RIPK2: variants seen among roughly 807,000 people sequenced by gnomAD.
RIPK2 encodes the protein receptor interacting serine/threonine kinase 2, also known as receptor-interacting serine/threonine-protein kinase 2.
A neutral mutation model predicts 60.9 loss-of-function variants in RIPK2; 38 were observed. The observed-to-expected ratio is 0.62, with a 90% confidence interval of 0.48 to 0.82. The LOEUF (loss-of-function observed/expected upper bound fraction) is 0.82, where lower values mean the gene tolerates loss of function less well. Ranked by LOEUF, RIPK2 falls within the 40% of genes least tolerant of loss-of-function variation. The probability of loss-of-function intolerance (pLI) is 0.00; values close to 1 mark genes in which losing one functional copy is unlikely to be tolerated. For synonymous variants in RIPK2, 225 were observed against 223.4 expected (o/e 1.01, Z -0.06); for missense variants, 518 against 647.0 (o/e 0.80, Z 2.16).
chr8:89,762,794 T>A, intron 1 of RIPK2, 35 bp from the exon 2 acceptor site: 1 of 1,184,280 alleles, frequency 8.4e-7, no homozygotes, highest in Non-Finnish European at 1.1e-6. Context: ...TATATTTTTT[T>A]ATTACTTGAA....
intron 6 of RIPK2, 28 bp from the exon 7 acceptor site, chr8:89,780,047 T>C: frequency 8.7e-7 from 1 of 1,147,366 alleles, no homozygotes; most frequent in Non-Finnish European, 1.3e-6. Flanking sequence ...CAATCTGAAC[T>C]CAACCTGTAT....
intron 6 of RIPK2, among the ~76,000 whole-genome samples, chr8:89,779,320 T>TTTTTG (rs1563615921): frequency 1.5e-5 from 2 of 130,032 alleles, no homozygotes; most frequent in African/African-American, 6.0e-5. Flanking sequence ...GTTTTTTTTT[T>TTTTTG]TTTTTTTTTT....
chr8:89,759,637 A>G (rs1185649656), intron 1 of RIPK2, among the ~76,000 whole-genome samples: 2 of 152,218 alleles, frequency 1.3e-5, no homozygotes, highest in Admixed American at 1.3e-4. Flanking sequence ...TCAGTGATAT[A>G]CAAGGTGTGG....
intron 1 of RIPK2, among the ~76,000 whole-genome samples, chr8:89,760,644 G>T (rs1184998057): frequency 1.3e-5 from 2 of 152,172 alleles, no homozygotes; most frequent in South Asian, 2.1e-4. Flanking sequence ...CGCCAACCCT[G>T]CCACTTATTA....
rs373852693 is a variant in RIPK2, at chr8:89,772,750, A to G, written c.775A>G (p.Ile259Val). ...VINEESLPYD[I>V]PHRARMISLI... The stretch of plus-strand genomic sequence containing the variant: ...TAATGAAGAAAGTTTGCCATATGAT[A>G]TACCTCACCGAGCACGTATGATCTC... Residue 259 changes from isoleucine to valine, a missense_variant, in exon 6 of 11, where the codon ATA becomes GTA. Ile to Val is a conservative substitution (Grantham distance 29). This residue lies in a region of RIPK2 where 448 missense variants were observed against 534.7 expected (regional missense o/e 0.84). Transcript: ENST00000220751. 2.0e-5 allele frequency: 33 copies of G among 1,612,018 alleles called. 1 individual carries two copies. In the South Asian group the frequency reaches 2.5e-4, roughly 12 times the overall value.
chr8:89,762,315 A>G (rs934234625), intron 1 of RIPK2, among the ~76,000 whole-genome samples: 4 of 152,206 alleles, frequency 2.6e-5, no homozygotes, highest in African/African-American at 4.8e-5. Flanking sequence ...GAGTTCTGGT[A>G]TATAATTTAT....
chr8:89,767,815 T>C (rs781333996), intron 3 of RIPK2, among the ~76,000 whole-genome samples: 3 of 151,794 alleles, frequency 2.0e-5, no homozygotes, highest in Non-Finnish European at 4.4e-5. Flanking sequence ...CTTTCAATAT[T>C]TGAAGATAGC....
At chr8:89,761,734 T>C (rs1455471060) in intron 1 of RIPK2, among the ~76,000 whole-genome samples, 1 of 150,410 alleles carries the variant, frequency 6.6e-6, no homozygotes, top group African/African-American at 2.5e-5. Flanking sequence ...AAGTTTCCAG[T>C]GTGTATTCTG....
In RIPK2 at chr8:89,786,704, T is replaced by G. The variant is rs754954132; in HGVS notation, c.1123+18T>G. On this transcript the variant is annotated intron_variant, in intron 9 of 10. Coordinates refer to ENST00000220751, the MANE Select transcript of RIPK2 (RefSeq NM_003821.6). ...TTTATCTAGTATGTAGATTTTCCAA[T>G]CATTATTTACTTGCAAGTTTTCCAT... 5 of 1,373,524 alleles carry G rather than the reference T, an allele frequency of 3.6e-6. No homozygotes were observed. The African/African-American group carries it at 7.6e-5, about 21-fold the overall frequency. 85.1% of individuals were successfully genotyped at this position (1,373,524 alleles called of 1,614,324 possible).
chr8:89,771,158 C>T (rs1025525108), intron 4 of RIPK2, among the ~76,000 whole-genome samples: 1 of 151,858 alleles, frequency 6.6e-6, no homozygotes, highest in Admixed American at 6.6e-5. Context: ...CTGTACTCCT[C>T]GCTCTCCCTG....
chr8:89,780,189 T>C (rs749102687), intron 7 of RIPK2, 29 bp downstream of exon 7: 7 of 1,177,730 alleles, frequency 5.9e-6, no homozygotes, highest in African/African-American at 1.6e-5. Flanking sequence ...TGCTGGAAAT[T>C]AGAAATTTAA....
At chr8:89,785,885 C>T (rs1360907792) in intron 8 of RIPK2, among the ~76,000 whole-genome samples, 1 of 152,068 alleles carries the variant, frequency 6.6e-6, no homozygotes, top group Non-Finnish European at 1.5e-5. Flanking sequence ...TAAAATTCTC[C>T]ATTACTTTTT....
rs890684447 is a variant in RIPK2 at position 89,789,965 on chromosome 8, G to A, written c.1286-114G>A. Reference sequence around the variant, plus strand: ...CCCCAAAGTGTTGGTGTTCCATATTGGCACAATCATAGGAAAATTATGTTT... The same window carrying A: ...CCCCAAAGTGTTGGTGTTCCATATTAGCACAATCATAGGAAAATTATGTTT... On this transcript the variant is annotated intron_variant, in intron 10 of 10. Transcript: ENST00000220751. The A allele has an allele frequency of 4.0e-6, 3 of 741,282 alleles. No homozygotes were observed. The African/African-American group carries it at 5.3e-5, about 13-fold the overall frequency. The allele number at this position is 741,282 out of a possible 1,614,324, so 45.9% of individuals were successfully genotyped here.
At chr8:89,771,575 C>T (rs1809311110) in intron 4 of RIPK2, among the ~76,000 whole-genome samples, 166 bp from the exon 5 acceptor site, 1 of 151,892 alleles carries the variant, frequency 6.6e-6, no homozygotes, top group African/African-American at 2.4e-5. Flanking sequence ...GATTTTGTTT[C>T]CAAACTACAT....
intron 5 of RIPK2, among the ~76,000 whole-genome samples, chr8:89,772,417 A>G (rs1809328976): frequency 6.6e-6 from 1 of 151,944 alleles, no homozygotes; most frequent in African/African-American, 2.4e-5. Flanking sequence ...CTTTACAAAT[A>G]CTCTGTTGAC....
chr8:89,775,767 A>G (rs530782027), intron 6 of RIPK2, among the ~76,000 whole-genome samples: 2 of 152,260 alleles, frequency 1.3e-5, no homozygotes, highest in South Asian at 4.1e-4. Context: ...CATGGCTTCT[A>G]TTTTCTCAGT....
rs1809473202 is a variant in RIPK2 at position 89,780,084 on chromosome 8, T to C, written c.863T>C (p.Ile288Thr). The C allele has an allele frequency of 1.3e-6, 2 of 1,522,562 alleles. No individual in the cohort carries two copies. Among genetic ancestry groups the C allele is most frequent in the Non-Finnish European group, 1.8e-6 (2 of 1,110,372 alleles). The allele number at this position is 1,522,562 out of a possible 1,614,324, so 94.3% of individuals were successfully genotyped here. A position where few individuals can be genotyped will look rare whatever the true frequency, so the allele number is the denominator to read the frequency against. Residue 288 changes from isoleucine (I) to threonine (T), a missense_variant, in exon 7 of 11, where the codon ATA (isoleucine) becomes ACA (threonine). Coordinates refer to ENST00000220751, the MANE Select transcript of RIPK2 (RefSeq NM_003821.6). ...DERPSFLKCL[I>T]ELEPVLRTFE... is the part of the protein sequence containing the mutation. Reference sequence around the variant, plus strand: ...TTTTTCTCTTATGTAGAATGTTTAATAGAACTTGAACCAGTTTTGAGAACA... The same window carrying C: ...TTTTTCTCTTATGTAGAATGTTTAACAGAACTTGAACCAGTTTTGAGAACA...
intron 9 of RIPK2, 57 bp downstream of exon 9, chr8:89,786,743 C>G: frequency 1.0e-6 from 1 of 995,844 alleles, no homozygotes; most frequent in Non-Finnish European, 1.6e-6. Context: ...CTTTCAAGAT[C>G]AAATTTTTGC....
At chr8:89,770,575 CTT>C (rs1809296157) in intron 4 of RIPK2, among the ~76,000 whole-genome samples, 1 of 151,748 alleles carries the variant, frequency 6.6e-6, no homozygotes, top group African/African-American at 2.4e-5. Context: ...ATAAGTTACT[CTT>C]ATCTCTTTTA....
Sources: gnomAD v4.1 joint callset for allele counts (sites outside exome capture counted in the v4.1 genomes callset) on GRCh38, gnomAD v4.1.1 for gene constraint, gnomAD v4.1.1 regional missense constraint, MANE v1.5 for transcripts, NCBI Gene and HGNC (gene_info 2026-07-23, HGNC 2026-07-21) for gene names.